The following ATP2C1 variants were observed in gnomAD, a reference collection of about 807,000 sequenced individuals.
ATP2C1 encodes ATPase secretory pathway Ca2+ transporting 1.
Under a neutral mutation model 120.5 loss-of-function variants are expected in ATP2C1, and 31 were observed. The ratio of observed to expected loss-of-function variants is 0.26; its 90% CI spans 0.19 to 0.35. ATP2C1 has a LOEUF of 0.35. Ranked by LOEUF, ATP2C1 falls within the 10% of genes least tolerant of loss-of-function variation. ATP2C1 has a pLI of 1.00. For synonymous variants in ATP2C1, 351 were observed against 358.7 expected (o/e 0.98, Z 0.24); for missense variants, 731 against 1,107.5 (o/e 0.66, Z 4.83).
intron 2 of ATP2C1, among the ~76,000 whole-genome samples, chr3:130,897,160 G>T (rs1406814669): frequency 6.6e-6 from 1 of 152,192 alleles, no homozygotes; most frequent in East Asian, 1.9e-4. Flanking sequence ...GTAGCCAAAT[G>T]CTCAAAATGA....
chr3:130,953,076 C>CGTATGTATGTATGTAT (rs10576619), intron 8 of ATP2C1, among the ~76,000 whole-genome samples: 3 of 149,336 alleles, frequency 2.0e-5, no homozygotes, highest in Admixed American at 6.7e-5. Flanking sequence ...CTCACTTGTT[C>CGTATGTATGTATGTAT]GTATGTATGT....
chr3:130,944,825 CCA>C (rs1465231098), intron 8 of ATP2C1, among the ~76,000 whole-genome samples: 1 of 152,112 alleles, frequency 6.6e-6, no homozygotes, highest in Non-Finnish European at 1.5e-5. Context: ...CCTAGTAGAT[CCA>C]CAGAGAGCAA....
chr3:130,877,630 A>G (rs1449064697), intron 1 of ATP2C1, among the ~76,000 whole-genome samples: 1 of 151,922 alleles, frequency 6.6e-6, no homozygotes, highest in Non-Finnish European at 1.5e-5. Flanking sequence ...TTAAAAAGTT[A>G]GGAAACAACA....
intron 2 of ATP2C1, among the ~76,000 whole-genome samples, chr3:130,906,174 T>C (rs943470255): frequency 2.0e-5 from 3 of 152,166 alleles, no homozygotes; most frequent in Admixed American, 1.3e-4. Context: ...TATATTGATA[T>C]AATTCTAGAA....
intron 2 of ATP2C1, among the ~76,000 whole-genome samples, chr3:130,895,106 G>A (rs2069478682): frequency 6.6e-6 from 1 of 152,170 alleles, no homozygotes; most frequent in Admixed American, 6.5e-5. Flanking sequence ...ATTACTCGAG[G>A]GGAAGTGGAA....
intron 26 of ATP2C1, 118 bp downstream of exon 26, chr3:130,998,507 G>A (rs1373307437): frequency 1.3e-6 from 1 of 775,814 alleles, no homozygotes; most frequent in African/African-American, 1.7e-5. Flanking sequence ...GCCACAGATT[G>A]CAGCCCCAGA....
At chr3:131,000,365 C>A (rs796941634) in intron 27 of ATP2C1, among the ~76,000 whole-genome samples, 8 of 152,046 alleles carry the variant, frequency 5.3e-5, no homozygotes, top group African/African-American at 1.9e-4. Context: ...TATTTTAATT[C>A]CATATTCACA....
intron 8 of ATP2C1, among the ~76,000 whole-genome samples, chr3:130,946,277 C>T (rs1003798006): frequency 2.6e-5 from 4 of 152,170 alleles, no homozygotes; most frequent in Admixed American, 6.5e-5. Context: ...CTTAAGAACA[C>T]GCCAGTGGGC....
At chr3:130,966,469 C>G (rs1268237138) in intron 14 of ATP2C1, among the ~76,000 whole-genome samples, 2 of 151,818 alleles carry the variant, frequency 1.3e-5, no homozygotes, top group Non-Finnish European at 2.9e-5. Context: ...CTTTGTTGCC[C>G]AGGCTGGTCT....
rs1239838156 is a variant in ATP2C1, at chr3:130,940,843, C to T, written c.422+152C>T. Reference sequence around the variant, plus strand: ...AAAGTTCCTGGTCTCATTAATGTAGCAAAACTGTACCATTGAAAACTTTAA... The same window carrying T: ...AAAGTTCCTGGTCTCATTAATGTAGTAAAACTGTACCATTGAAAACTTTAA... On this transcript the variant is annotated intron_variant, in intron 7 of 27. Transcript: ENST00000510168. The T allele has an allele frequency of 6.4e-5, 37 of 581,156 alleles. 1 individual carries two copies. In the East Asian group the frequency reaches 1.2e-3, roughly 19 times the overall value. The allele number at this position is 581,156 out of a possible 1,614,324, so 36.0% of individuals were successfully genotyped here.
At chr3:130,948,296 C>G (rs2060229251) in intron 8 of ATP2C1, among the ~76,000 whole-genome samples, 1 of 151,808 alleles carries the variant, frequency 6.6e-6, no homozygotes, top group African/African-American at 2.4e-5. Context: ...AAAAATTTCT[C>G]CTTCATTTTT....
chr3:131,016,213 G>A (rs771325032), exon 27 of ATP2C1: 1 of 1,614,136 alleles, frequency 6.2e-7, no homozygotes, highest in Non-Finnish European at 8.5e-7. Flanking sequence ...CTGGAGACAG[G>A]ACTGCCACTG....
At chr3:130,853,491 TATAAC>T (rs1298576448) in intron 1 of ATP2C1, among the ~76,000 whole-genome samples, 8 of 152,206 alleles carry the variant, frequency 5.3e-5, no homozygotes, top group Admixed American at 3.9e-4. Flanking sequence ...TGGGGAATAT[TATAAC>T]AGAACACCAT....
At chr3:131,016,364 C>T in exon 27 of ATP2C1, 1 of 1,613,572 alleles carries the variant, frequency 6.2e-7, no homozygotes, top group Non-Finnish European at 8.5e-7. Flanking sequence ...AGCCCAAGGG[C>T]AGTATTTCTA....
At chr3:130,997,482 G>A (rs765384033) in intron 24 of ATP2C1, 124 bp from the exon 25 acceptor site, 5 of 886,534 alleles carry the variant, frequency 5.6e-6, no homozygotes, top group Admixed American at 2.2e-5. Flanking sequence ...GTTTTATGAT[G>A]CAACATTTTG....
intron 20 of ATP2C1, among the ~76,000 whole-genome samples, chr3:130,987,518 A>G (rs887503693): frequency 3.3e-5 from 5 of 149,604 alleles, no homozygotes; most frequent in Non-Finnish European, 7.4e-5. Flanking sequence ...TTTTATAGAG[A>G]TGGGGTCTTG....
chr3:130,996,017 C>T, intron 22 of ATP2C1, 26 bp from the exon 23 acceptor site: 1 of 1,366,380 alleles, frequency 7.3e-7, no homozygotes, highest in Non-Finnish European at 1.0e-6. Flanking sequence ...TATTTTCTCA[C>T]TTCATCTTTA....
intron 8 of ATP2C1, 88 bp from the exon 9 acceptor site, chr3:130,953,733 T>A (rs2060467852): frequency 7.2e-7 from 1 of 1,387,932 alleles, no homozygotes; most frequent in Non-Finnish European, 1.0e-6. Flanking sequence ...AAAAGGGATG[T>A]TTGAGGAAGA....
chr3:130,971,314 A>G (rs1294536719), intron 17 of ATP2C1, among the ~76,000 whole-genome samples: 1 of 152,232 alleles, frequency 6.6e-6, no homozygotes, highest in East Asian at 1.9e-4. Flanking sequence ...AGAAAGTGGC[A>G]GGATATGTTT....
Sources: gnomAD v4.1 joint callset for allele counts (sites outside exome capture counted in the v4.1 genomes callset) on GRCh38, gnomAD v4.1.1 for gene constraint, MANE v1.5 for transcripts, NCBI Gene and HGNC (gene_info 2026-07-23, HGNC 2026-07-21) for gene names.